Variants in CCND3 observed in about 807,000 individuals in gnomAD.
CCND3 encodes cyclin D3.
Under a neutral mutation model 28.7 loss-of-function variants are expected in CCND3, and 9 were observed. That is an observed-to-expected ratio of 0.31 (90% confidence interval 0.19 to 0.55). The LOEUF is 0.55. CCND3 is among the 20% of genes least tolerant of loss of function. CCND3 has a pLI of 0.93. For missense variants in CCND3, 315 were observed against 385.8 expected, an observed-to-expected ratio of 0.82 and a Z score of 1.54; for synonymous variants, 164 against 163.9, an observed-to-expected ratio of 1.00 and a Z score of 0.00.
At chr6:41,956,019 C>T (rs1234933343) in intron 1 of CCND3, among the ~76,000 whole-genome samples, 2 of 152,100 alleles carry the variant, frequency 1.3e-5, no homozygotes, top group Non-Finnish European at 1.5e-5. Flanking sequence ...TAGGGCCGGG[C>T]GTGGTGGCTC....
chr6:41,975,397 G>A (rs548305231), intron 1 of CCND3, among the ~76,000 whole-genome samples: 3 of 152,230 alleles, frequency 2.0e-5, no homozygotes, highest in East Asian at 3.9e-4. Flanking sequence ...CACCTCCTCA[G>A]CCTCACAGGC....
intron 1 of CCND3, among the ~76,000 whole-genome samples, chr6:41,994,387 A>G (rs920155789): frequency 1.3e-5 from 2 of 152,146 alleles, no homozygotes; most frequent in Non-Finnish European, 2.9e-5. Context: ...TCATTAAGTG[A>G]TGCATGATTG....
At chr6:41,964,486 A>ATGTGTG (rs57170949) in intron 1 of CCND3, among the ~76,000 whole-genome samples, 2 of 103,056 alleles carry the variant, frequency 1.9e-5, no homozygotes, top group African/African-American at 7.6e-5. Flanking sequence ...GTGTGTGTGA[A>ATGTGTG]TGTGTGTGTG....
chr6:42,007,049 G>T (rs1763196826), intron 1 of CCND3, among the ~76,000 whole-genome samples: 1 of 152,048 alleles, frequency 6.6e-6, no homozygotes, highest in Non-Finnish European at 1.5e-5. Flanking sequence ...TTCTCAAGTT[G>T]CAGGGTATGT....
At position 41,940,731 on chromosome 6, in the gene CCND3, G is replaced by A. The variant is rs1012762295; in HGVS notation, c.199-146C>T. On this transcript the variant is annotated intron_variant, in intron 1 of 4. Coordinates refer to ENST00000372991, the MANE Select transcript of CCND3 (RefSeq NM_001760.5). The stretch of plus-strand genomic sequence containing the variant: ...AGAGAGACAAGGACCAATAAAGGAG[G>A]AGGATGCGCCCTCCCCAAGGTGACG... The A allele has an allele frequency of 5.8e-5, 43 of 746,568 alleles. 1 individual carries two copies. The highest frequency in any genetic ancestry group is 4.7e-4 in the Middle Eastern group (2 of 4,230). The allele number at this position is 746,568 out of a possible 1,614,324, so 46.2% of individuals were successfully genotyped here.
chr6:42,033,664 A>G (rs1186056871), intron 1 of CCND3, among the ~76,000 whole-genome samples: 1 of 151,728 alleles, frequency 6.6e-6, no homozygotes, highest in African/African-American at 2.4e-5. Context: ...CCTGACCAAC[A>G]TGGAAAAACC....
chr6:42,045,354 T>G (rs1764510949), intron 1 of CCND3, among the ~76,000 whole-genome samples: 2 of 152,324 alleles, frequency 1.3e-5, no homozygotes, highest in South Asian at 4.1e-4. Flanking sequence ...TTGAGCAAGT[T>G]TGCCTTTCTG....
At chr6:41,954,942 ATGT>A (rs1258091009) in intron 1 of CCND3, among the ~76,000 whole-genome samples, 1 of 152,140 alleles carries the variant, frequency 6.6e-6, no homozygotes, top group Admixed American at 6.6e-5. Context: ...CTCCCTGATG[ATGT>A]TATTAAGCTG....
At chr6:41,961,570 AAAC>A (rs138673776) in intron 1 of CCND3, among the ~76,000 whole-genome samples, 2,264 of 152,124 alleles carry the variant, frequency 0.015, 49 homozygotes, top group African/African-American at 0.05. Context: ...CTGTCTCAAA[AAAC>A]AACAACAACA....
In CCND3 at chr6:41,939,654, A is replaced by C. The variant is rs1775925737; in HGVS notation, c.414+716T>G. The stretch of plus-strand genomic sequence containing the variant: ...CCAGGGGAGGGGGCACCATTATCAC[A>C]TCGGAAGCAGATGCAGCTCACCTCC... On this transcript the variant is annotated intron_variant, in intron 2 of 4. Transcript: ENST00000372991. The surrounding 1 kb of genome is among the most constrained non-coding windows in gnomAD (Gnocchi z 4.2). Among the ~76,000 whole-genome samples the C allele has an allele frequency of 6.6e-6, 1 of 152,062 alleles. No individual in the cohort carries two copies. Among genetic ancestry groups the C allele is most frequent in the Non-Finnish European group, 1.5e-5 (1 of 68,006 alleles).
upstream of CCND3, among the ~76,000 whole-genome samples, chr6:41,945,076 G>A (rs1201711374): frequency 2.0e-5 from 3 of 152,166 alleles, no homozygotes; most frequent in African/African-American, 7.2e-5. Flanking sequence ...ATAGTATGAG[G>A]AGTTTCTACC....
intron 1 of CCND3, among the ~76,000 whole-genome samples, chr6:41,957,057 A>G (rs1312646295): frequency 3.3e-5 from 5 of 152,160 alleles, no homozygotes; most frequent in Non-Finnish European, 7.4e-5. Flanking sequence ...CAAACAAAAA[A>G]CAATGGTTTA....
At position 41,990,660 on chromosome 6, in the gene CCND3, A is replaced by ATTTTTTTT. The variant is rs67939325; in HGVS notation, c.-45-50083_-45-50076dup. On this transcript the variant is annotated intron_variant, in intron 1 of 4. Coordinates refer to the CCND3 transcript ENST00000372988. ...TAGTCCATGAATCTATAACCAACTG[A>ATTTTTTTT]TTTTTTTTTTTTTTTTTTTTTTTTT... Among the ~76,000 whole-genome samples the ATTTTTTTT allele has an allele frequency of 2.3e-4, 28 of 121,290 alleles. 6 individuals carry two copies. The highest frequency in any genetic ancestry group is 4.1e-4 in the African/African-American group (13 of 31,690). The allele number at this position is 121,290 out of a possible 152,430, so 79.6% of individuals were successfully genotyped here.
chr6:41,989,466 A>C (rs1561975375), intron 1 of CCND3, among the ~76,000 whole-genome samples: 4 of 94,660 alleles, frequency 4.2e-5, no homozygotes, highest in South Asian at 3.3e-4. Flanking sequence ...AAAAAAAAAA[A>C]CAAAAAAAAA....
intron 1 of CCND3, among the ~76,000 whole-genome samples, chr6:42,014,283 C>A (rs1335795035): frequency 6.6e-6 from 1 of 151,478 alleles, no homozygotes; most frequent in African/African-American, 2.4e-5. Flanking sequence ...AGGAGAATGG[C>A]GTGAACCCCG....
At chr6:41,954,914 T>C (rs781494649) in intron 1 of CCND3, among the ~76,000 whole-genome samples, 1 of 152,148 alleles carries the variant, frequency 6.6e-6, no homozygotes, top group Non-Finnish European at 1.5e-5. Context: ...CACCTGAGAA[T>C]GACTGGAATG....
chr6:42,046,091 C>G (rs538188063), intron 1 of CCND3, among the ~76,000 whole-genome samples: 12 of 152,218 alleles, frequency 7.9e-5, no homozygotes, highest in Admixed American at 2.6e-4. Context: ...TACCCATGCC[C>G]CCAACACACA....
At position 41,960,390 on chromosome 6, in the gene CCND3, G is replaced by A. The variant is rs117409359; in HGVS notation, c.-45-19805C>T. On this transcript the variant is annotated intron_variant, in intron 1 of 4. Transcript: ENST00000372988. ...TTTCGATAGGTGAATGCTATGGTATGTAACTTATAACTCAATAAAACTTTT... is the reference window on the plus strand; with the variant it reads ...TTTCGATAGGTGAATGCTATGGTATATAACTTATAACTCAATAAAACTTTT... Among the ~76,000 whole-genome samples, 309 of 152,322 alleles carry A rather than the reference G, an allele frequency of 2.0e-3. 13 individuals carry two copies. The East Asian group carries it at 0.05, about 25-fold the overall frequency.
At chr6:42,015,017 A>G (rs1279081713) in intron 1 of CCND3, among the ~76,000 whole-genome samples, 1 of 152,208 alleles carries the variant, frequency 6.6e-6, no homozygotes, top group Non-Finnish European at 1.5e-5. Context: ...GTTTCTAGTC[A>G]ATATCAATAG....
Sources: gnomAD v4.1 joint callset for allele counts (sites outside exome capture counted in the v4.1 genomes callset) on GRCh38, gnomAD v4.1.1 for gene constraint, Gnocchi (gnomAD v3.1) non-coding constraint, MANE v1.5 for transcripts, NCBI Gene and HGNC (gene_info 2026-07-23, HGNC 2026-07-21) for gene names.